The following CPVL variants were observed in gnomAD, a reference collection of about 807,000 sequenced individuals.
CPVL encodes probable serine carboxypeptidase CPVL.
Under a neutral mutation model 63.7 loss-of-function variants are expected in CPVL, and 51 were observed. The ratio of observed to expected loss-of-function variants is 0.80; its 90% confidence interval spans 0.64 to 1.01. CPVL has a LOEUF of 1.01. Ranked by LOEUF, CPVL falls within the 50% of genes least tolerant of loss-of-function variation. The pLI, the probability that CPVL is intolerant of heterozygous loss-of-function variation, is 0.00. For missense variants in CPVL, 530 were observed against 573.1 expected, an observed-to-expected ratio of 0.92 and a Z score of 0.77; for synonymous variants, 195 against 206.0, an observed-to-expected ratio of 0.95 and a Z score of 0.46.
At chr7:29,026,116 G>A (rs1787465238) in intron 12 of CPVL, among the ~76,000 whole-genome samples, 1 of 152,050 alleles carries the variant, frequency 6.6e-6, no homozygotes, top group South Asian at 2.1e-4. Flanking sequence ...ATCATATCAA[G>A]TATATTCTAA....
rs189932624 is a variant in CPVL at position 29,143,011 on chromosome 7, G to C, written c.-11+3418C>G. Among the ~76,000 whole-genome samples, 7 of 151,946 alleles carry C rather than the reference G, an allele frequency of 4.6e-5. No individual in the cohort carries two copies. In the East Asian group the frequency reaches 9.7e-4, roughly 21 times the overall value. ...TTCCTAACACATCTCTCAGACTTCC[G>C]GTCCTTTTCCCTCCAATTTAGCCTA... On this transcript the variant is annotated intron_variant, in intron 1 of 12. Transcript: ENST00000265394.
At chr7:29,154,323 C>G (rs772708817) in intron 5 of CPVL, among the ~76,000 whole-genome samples, 1 of 152,126 alleles carries the variant, frequency 6.6e-6, no homozygotes, top group African/African-American at 2.4e-5. Flanking sequence ...CATTCGTATG[C>G]AGTGAATCAG....
chr7:29,167,020 G>A (rs1256732881), intron 5 of CPVL, among the ~76,000 whole-genome samples: 1 of 151,896 alleles, frequency 6.6e-6, no homozygotes, highest in African/African-American at 2.4e-5. Flanking sequence ...TACTGTATAT[G>A]TACAAGTTAA....
intron 10 of CPVL, 42 bp downstream of exon 10, chr7:29,065,981 A>G (rs908735037): frequency 8.6e-6 from 11 of 1,274,958 alleles, no homozygotes; most frequent in Non-Finnish European, 1.1e-5. Context: ...TTTTGCCAAA[A>G]GTTTTAAGCA....
intron 11 of CPVL, among the ~76,000 whole-genome samples, chr7:29,056,315 T>C (rs1790727486): frequency 6.6e-6 from 1 of 152,236 alleles, no homozygotes; most frequent in African/African-American, 2.4e-5. Context: ...ATAGTTTCAT[T>C]GCCCTAAAAA....
Position 29,086,567 on chromosome 7 carries a change from A to G in CPVL, c.543-17T>C. Reference sequence around the variant, plus strand: ...ATTAGTGCACTGCAAAAAGAAGAACAAGAACAACACAAATTAATCAGAAAA... The same window carrying G: ...ATTAGTGCACTGCAAAAAGAAGAACGAGAACAACACAAATTAATCAGAAAA... On this transcript the variant is annotated splice_polypyrimidine_tract_variant and intron_variant, in intron 6 of 12. Transcript: ENST00000265394. 1 of 1,544,702 alleles carries G rather than the reference A, an allele frequency of 6.5e-7. No homozygotes were observed. The highest frequency in any genetic ancestry group is 1.4e-5 in the African/African-American group (1 of 73,618).
At chr7:29,074,495 T>C (rs1584182577) in intron 7 of CPVL, among the ~76,000 whole-genome samples, 1 of 152,162 alleles carries the variant, frequency 6.6e-6, no homozygotes, top group East Asian at 1.9e-4. Context: ...TATATAGTCT[T>C]TATTCAATGA....
chr7:29,022,464 A>C (rs1787096738), intron 12 of CPVL, among the ~76,000 whole-genome samples: 1 of 152,150 alleles, frequency 6.6e-6, no homozygotes, highest in Non-Finnish European at 1.5e-5. Context: ...AACCACACAC[A>C]CTGCCACACG....
At chr7:29,057,109 T>A (rs1201731753) in intron 11 of CPVL, among the ~76,000 whole-genome samples, 2 of 151,844 alleles carry the variant, frequency 1.3e-5, no homozygotes, top group African/African-American at 4.8e-5. Flanking sequence ...CACCACCACA[T>A]CCAGCTAATA....
chr7:29,178,519 G>A (rs1359124438), intron 5 of CPVL, among the ~76,000 whole-genome samples: 1 of 152,106 alleles, frequency 6.6e-6, no homozygotes, highest in Non-Finnish European at 1.5e-5. Flanking sequence ...AGTCTCTGCT[G>A]AAATGTCACA....
chr7:29,057,535 A>G (rs1790863631), intron 11 of CPVL, among the ~76,000 whole-genome samples: 1 of 152,134 alleles, frequency 6.6e-6, no homozygotes, highest in Non-Finnish European at 1.5e-5. Context: ...TCTTTCATGG[A>G]TTGTTCCTTT....
At chr7:29,121,122 CT>C in intron 1 of CPVL, 51 bp from the exon 2 acceptor site, 1 of 1,475,714 alleles carries the variant, frequency 6.8e-7, no homozygotes, top group Non-Finnish European at 9.1e-7. Flanking sequence ...AAATATTTAC[CT>C]GGCCCTTTTA....
At chr7:29,056,203 A>C (rs1584120344) in intron 11 of CPVL, among the ~76,000 whole-genome samples, 1 of 152,186 alleles carries the variant, frequency 6.6e-6, no homozygotes, top group East Asian at 1.9e-4. Context: ...CAAATCACCT[A>C]AAGTCCACAG....
chr7:29,163,203 G>A (rs891971567), intron 5 of CPVL, among the ~76,000 whole-genome samples: 1 of 152,050 alleles, frequency 6.6e-6, no homozygotes. Flanking sequence ...ATATGAATCT[G>A]TTTCTCCATT....
At chr7:29,088,287 T>G (rs1785410180) in intron 6 of CPVL, among the ~76,000 whole-genome samples, 1 of 152,226 alleles carries the variant, frequency 6.6e-6, no homozygotes, top group East Asian at 1.9e-4. Context: ...GTTGTTTACC[T>G]GAAATTCAAA....
At position 29,086,487 on chromosome 7, in the gene CPVL, C is replaced by G. The variant is rs1464484815; in HGVS notation, c.606G>C (p.Gly202=). Residue 202 remains glycine, a synonymous_variant, in exon 7 of 13, where the codon GGG becomes GGC. Coordinates refer to ENST00000265394, the MANE Select transcript of CPVL (RefSeq NM_031311.5). ...AGGAAACGTGACTTCTACTTACCTC[C>G]CCAGTGACATAAAAGTCATTATTTT... ...EYKNNDFYVT[G]ESYAGKYVPA... 6.2e-7 allele frequency: 1 copy of G among 1,609,066 alleles called. No individual in the cohort carries two copies. Among genetic ancestry groups the G allele is most frequent in the South Asian group, 1.1e-5 (1 of 90,962 alleles).
intron 11 of CPVL, among the ~76,000 whole-genome samples, chr7:29,055,667 G>A (rs1332798599): frequency 3.3e-5 from 5 of 152,222 alleles, no homozygotes; most frequent in Admixed American, 1.3e-4. Flanking sequence ...GGTCAGCAGT[G>A]TCACTTTACT....
intron 1 of CPVL, among the ~76,000 whole-genome samples, chr7:29,125,490 T>A (rs1223746395): frequency 6.7e-6 from 1 of 149,866 alleles, no homozygotes; most frequent in East Asian, 2.0e-4. Context: ...CCTCCTCGGT[T>A]CAAGCGATTC....
intron 5 of CPVL, among the ~76,000 whole-genome samples, chr7:29,162,372 A>ACC (rs1256211228): frequency 1.2e-4 from 18 of 152,194 alleles, no homozygotes; most frequent in African/African-American, 3.4e-4. Flanking sequence ...TCTTAAGAAC[A>ACC]TTATGATGGC....
Sources: allele counts gnomAD v4.1 joint callset (sites outside exome capture counted in the v4.1 genomes callset), GRCh38; gene constraint gnomAD v4.1.1; transcripts MANE v1.5; gene names NCBI Gene and HGNC (gene_info 2026-07-23, HGNC 2026-07-21).